BTBD9: variants seen among roughly 807,000 people sequenced by gnomAD.
BTBD9 encodes the protein BTB/POZ domain-containing protein 9.
A neutral mutation model predicts 64.3 loss-of-function variants in BTBD9; 49 were observed. The observed-to-expected ratio is 0.76, with a 90% CI of 0.61 to 0.97. The LOEUF (loss-of-function observed/expected upper bound fraction) is 0.97, where lower values mean the gene tolerates loss of function less well. Ranked by LOEUF, BTBD9 falls within the 50% of genes least tolerant of loss-of-function variation. The pLI is 0.00. For synonymous variants in BTBD9, 260 were observed against 274.7 expected (o/e 0.95, Z 0.53); for missense variants, 598 against 762.1 (o/e 0.78, Z 2.53).
At chr6:38,344,171 A>T (rs1213471261) in intron 7 of BTBD9, among the ~76,000 whole-genome samples, 1 of 152,188 alleles carries the variant, frequency 6.6e-6, no homozygotes, top group Non-Finnish European at 1.5e-5. Context: ...TGATCTTTGC[A>T]GCAGGTGAGT....
chr6:38,603,151 C>T lies in BTBD9; in HGVS notation c.-27-5030G>A, dbSNP rs184901228. Among the ~76,000 whole-genome samples, 8 of 152,114 alleles carry T rather than the reference C, an allele frequency of 5.3e-5. No individual in the cohort carries two copies. In the East Asian group the frequency reaches 9.7e-4, roughly 18 times the overall value. ...GAAGAACAGTAGGAAGGCAGGGGGA[C>T]GAAGGACTTACACTGAGAATGGACA... On this transcript the variant is annotated intron_variant, in intron 1 of 10. Transcript: ENST00000481247.
At chr6:38,629,373 G>T (rs970492212) in intron 1 of BTBD9, among the ~76,000 whole-genome samples, 1 of 152,190 alleles carries the variant, frequency 6.6e-6, no homozygotes, top group Non-Finnish European at 1.5e-5. Context: ...TCTTAACTAA[G>T]TGATCAAAAT....
intron 6 of BTBD9, among the ~76,000 whole-genome samples, chr6:38,455,932 C>T (rs954446613): frequency 1.3e-5 from 2 of 151,726 alleles, no homozygotes; most frequent in Admixed American, 1.3e-4. Context: ...CTGCTTCAGC[C>T]TCCCAAAGTG....
At chr6:38,250,844 G>A (rs954541210) in intron 9 of BTBD9, among the ~76,000 whole-genome samples, 1 of 152,044 alleles carries the variant, frequency 6.6e-6, no homozygotes, top group Non-Finnish European at 1.5e-5. Context: ...AAGCCGAGGT[G>A]GGGGGATCAC....
chr6:38,444,468 A>G (rs1264572145), intron 6 of BTBD9, among the ~76,000 whole-genome samples: 1 of 152,216 alleles, frequency 6.6e-6, no homozygotes, highest in Non-Finnish European at 1.5e-5. Context: ...TAGAATAATT[A>G]GTTAACAAAT....
chr6:38,220,258 G>T (rs1763156499), intron 9 of BTBD9, among the ~76,000 whole-genome samples: 1 of 152,234 alleles, frequency 6.6e-6, no homozygotes, highest in Non-Finnish European at 1.5e-5. Flanking sequence ...TAGTCCCACT[G>T]CAAAGCAGGC....
intron 6 of BTBD9, among the ~76,000 whole-genome samples, chr6:38,357,886 C>T (rs1317777629): frequency 6.6e-6 from 1 of 152,164 alleles, no homozygotes; most frequent in Admixed American, 6.5e-5. Flanking sequence ...TCTTAGATTA[C>T]TTAGCTATTT....
At chr6:38,507,829 T>G (rs62398561) in intron 6 of BTBD9, among the ~76,000 whole-genome samples, 7 of 123,364 alleles carry the variant, frequency 5.7e-5, no homozygotes, top group Non-Finnish European at 8.0e-5. Flanking sequence ...GTCTCCCAAA[T>G]TTTTTTTTTT....
rs751109556 is a variant in BTBD9, at chr6:38,192,580, G to A, written c.1580C>T (p.Thr527Ile). ...GAAGGAGGCAGGCTGCCTTTCAAAA[G>A]TTACTGACTGCCAGGACCTGTGAGA... Reference protein sequence around the residue: ...KVSCKSWQSVTFERQPASFIR... With the variant: ...KVSCKSWQSVIFERQPASFIR... Residue 527 changes from threonine to isoleucine, a missense_variant, in exon 10 of 11, where the codon ACT becomes ATT. Thr to Ile is a moderately conservative substitution (Grantham distance 89, BLOSUM62 -1). Coordinates refer to ENST00000481247, the MANE Select transcript of BTBD9 (RefSeq NM_001099272.2). 1.2e-6 allele frequency: 2 copies of A among 1,613,818 alleles called. No individual in the cohort carries two copies.
intron 6 of BTBD9, among the ~76,000 whole-genome samples, chr6:38,417,802 A>AGAGAGAG: frequency 9.8e-6 from 1 of 102,434 alleles, no homozygotes. Flanking sequence ...GAGAGAGAGA[A>AGAGAGAG]AAAAAATATT....
rs1476341507 is a variant in BTBD9, at chr6:38,455,570, AC to A, written c.1155-110478del. Among the ~76,000 whole-genome samples, 3 of 152,242 alleles carry A rather than the reference AC, an allele frequency of 2.0e-5. No homozygotes were observed. The East Asian group carries it at 5.8e-4, about 29-fold the overall frequency. On this transcript the variant is annotated intron_variant, in intron 6 of 10. Coordinates refer to ENST00000481247, the MANE Select transcript of BTBD9 (RefSeq NM_001099272.2). ...TTAGCATAAAACATCTGAGATACAT[AC>A]ATGCTGTTGTGTGTGTAAGCTGCAA...
At chr6:38,200,397 G>C (rs939607686) in intron 9 of BTBD9, among the ~76,000 whole-genome samples, 1 of 152,046 alleles carries the variant, frequency 6.6e-6, no homozygotes, top group African/African-American at 2.4e-5. Context: ...TAAATTAGCA[G>C]GAGGAAAGAA....
At position 38,257,711 on chromosome 6, in the gene BTBD9, G is replaced by A. The variant is rs1218231815; in HGVS notation, c.1455-1195C>T. 3.3e-5 allele frequency among the ~76,000 whole-genome samples: 5 copies of A among 152,160 alleles called. No homozygotes were observed. The East Asian group carries it at 9.7e-4, about 29-fold the overall frequency. ...TGTTCTTATCCCCCTTTTCTGCCCAGATAAGAACTTAAGCATTAACTGTGT... is the reference window on the plus strand; with the variant it reads ...TGTTCTTATCCCCCTTTTCTGCCCAAATAAGAACTTAAGCATTAACTGTGT... On this transcript the variant is annotated intron_variant, in intron 8 of 10. Transcript: ENST00000481247.
intron 1 of BTBD9, among the ~76,000 whole-genome samples, chr6:38,602,910 T>C (rs1368629213): frequency 1.3e-5 from 2 of 152,106 alleles, no homozygotes; most frequent in Admixed American, 1.3e-4. Flanking sequence ...CTGGGTAGCA[T>C]GGCCTACTAG....
Position 38,226,201 on chromosome 6 carries a change from G to C in BTBD9, c.1562+30208C>G, listed in dbSNP as rs114115249. Among the ~76,000 whole-genome samples the C allele has an allele frequency of 6.5e-3, 993 of 152,314 alleles. 7 individuals are homozygous for C. Among genetic ancestry groups the C allele is most frequent in the Non-Finnish European group, 9.6e-3 (653 of 68,030 alleles). ...GGATAGGTCACCTTAGGTTTCAAAGGGGGGTGGGAGTGTGAAACCACCTCT... is the reference window on the plus strand; with the variant it reads ...GGATAGGTCACCTTAGGTTTCAAAGCGGGGTGGGAGTGTGAAACCACCTCT... On this transcript the variant is annotated intron_variant, in intron 9 of 10. Transcript: ENST00000481247.
At position 38,381,382 on chromosome 6, in the gene BTBD9, G is replaced by C. The variant is rs571639226; in HGVS notation, c.1155-36289C>G. Among the ~76,000 whole-genome samples the C allele has an allele frequency of 3.3e-5, 5 of 152,218 alleles. No homozygotes were observed. The South Asian group carries it at 1.0e-3, about 32-fold the overall frequency. On this transcript the variant is annotated intron_variant, in intron 6 of 10. Coordinates refer to ENST00000481247, the MANE Select transcript of BTBD9 (RefSeq NM_001099272.2). ...TCAAGAAAGAGGGTAACTATATACT[G>C]ATAAAAGGTTCACTTAATTATAAAT...
chr6:38,184,939 A>G lies in BTBD9; in HGVS notation c.1641+7580T>C, dbSNP rs1761753374. ...CCTGAGCCGAGTGGTCCTGGAGGGC[A>G]GCTCAAGTAGCCACTTGCAGACTTT... On this transcript the variant is annotated intron_variant, in intron 10 of 10. Transcript: ENST00000481247. The surrounding 1 kb of genome is among the most constrained non-coding windows in gnomAD (Gnocchi z 4.4). 6.6e-6 allele frequency among the ~76,000 whole-genome samples: 1 copy of G among 152,152 alleles called. No individual in the cohort carries two copies. Among genetic ancestry groups the G allele is most frequent in the Non-Finnish European group, 1.5e-5 (1 of 68,036 alleles).
intron 6 of BTBD9, among the ~76,000 whole-genome samples, chr6:38,380,937 T>G (rs1285745670): frequency 5.3e-5 from 8 of 152,118 alleles, no homozygotes; most frequent in Admixed American, 5.2e-4. Flanking sequence ...AAAATGCATG[T>G]TAAAATTTCT....
intron 9 of BTBD9, among the ~76,000 whole-genome samples, chr6:38,236,526 A>G (rs974274747): frequency 6.6e-6 from 1 of 152,240 alleles, no homozygotes; most frequent in Non-Finnish European, 1.5e-5. Flanking sequence ...TAGCCAACAC[A>G]CGCAGGTCTG....
Sources: gnomAD v4.1 joint callset for allele counts (sites outside exome capture counted in the v4.1 genomes callset) on GRCh38, gnomAD v4.1.1 for gene constraint, Gnocchi (gnomAD v3.1) non-coding constraint, MANE v1.5 for transcripts, NCBI Gene and HGNC (gene_info 2026-07-23, HGNC 2026-07-21) for gene names.